The following NDUFA9 variants were observed in gnomAD, a reference collection of about 807,000 sequenced individuals.
NDUFA9 encodes NADH:ubiquinone oxidoreductase subunit A9, also known as NADH dehydrogenase [ubiquinone] 1 alpha subcomplex subunit 9, mitochondrial.
A neutral mutation model predicts 45.9 loss-of-function variants in NDUFA9; 23 were observed. That is an observed-to-expected ratio of 0.50 (90% confidence interval 0.36 to 0.71). NDUFA9 has a LOEUF of 0.71. Ranked by LOEUF, NDUFA9 falls within the 30% of genes least tolerant of loss-of-function variation. The pLI is 0.00. For missense variants in NDUFA9, 466 were observed against 488.2 expected, an observed-to-expected ratio of 0.95 and a Z score of 0.43; for synonymous variants, 176 against 170.5, an observed-to-expected ratio of 1.03 and a Z score of -0.25.
At chr12:4,652,098 A>T (rs1037218792) in intron 1 of NDUFA9, among the ~76,000 whole-genome samples, 1 of 152,110 alleles carries the variant, frequency 6.6e-6, no homozygotes. Flanking sequence ...GAGAACAGTC[A>T]TTTTCCCACC....
intron 8 of NDUFA9, among the ~76,000 whole-genome samples, chr12:4,671,451 A>G (rs1392645465): frequency 6.6e-6 from 1 of 152,106 alleles, no homozygotes; most frequent in Admixed American, 6.5e-5. Flanking sequence ...AATTTATTAT[A>G]TTATACCTAA....
At chr12:4,653,164 G>C (rs1172868522) in intron 1 of NDUFA9, among the ~76,000 whole-genome samples, 1 of 152,222 alleles carries the variant, frequency 6.6e-6, no homozygotes, top group East Asian at 1.9e-4. Context: ...TTGAAAACTG[G>C]AATGTATCCA....
At chr12:4,654,241 T>G (rs943920731) in intron 1 of NDUFA9, 51 bp from the exon 2 acceptor site, 10 of 1,528,412 alleles carry the variant, frequency 6.5e-6, no homozygotes, top group Non-Finnish European at 8.9e-6. Flanking sequence ...GTTGACAGTT[T>G]TAAAAATATT....
chr12:4,671,923 T>A (rs1295855557), intron 8 of NDUFA9, among the ~76,000 whole-genome samples: 1 of 152,150 alleles, frequency 6.6e-6, no homozygotes, highest in Non-Finnish European at 1.5e-5. Context: ...GACTTCAGTG[T>A]AAGAGTTATA....
intron 6 of NDUFA9, among the ~76,000 whole-genome samples, chr12:4,666,162 T>C (rs1443931686): frequency 6.6e-6 from 1 of 152,258 alleles, no homozygotes; most frequent in Non-Finnish European, 1.5e-5. Flanking sequence ...CATCTTTTCA[T>C]GTGCTTTTTG....
At chr12:4,672,910 T>A (rs1945895904) in intron 8 of NDUFA9, among the ~76,000 whole-genome samples, 1 of 152,190 alleles carries the variant, frequency 6.6e-6, no homozygotes, top group Admixed American at 6.5e-5. Context: ...CTCAAGTGGA[T>A]CCCTGCCCCC....
chr12:4,672,834 A>G (rs560556073), intron 8 of NDUFA9, among the ~76,000 whole-genome samples: 1 of 152,370 alleles, frequency 6.6e-6, no homozygotes, highest in African/African-American at 2.4e-5. Context: ...CCTGCCTGGC[A>G]GCTCTGAAGA....
intron 5 of NDUFA9, 79 bp downstream of exon 5, chr12:4,659,256 AGGGT>A: frequency 7.7e-7 from 1 of 1,302,016 alleles, no homozygotes; most frequent in Non-Finnish European, 1.1e-6. Context: ...TTCAGTGAGA[AGGGT>A]TTATCACAGA....
chr12:4,673,256 T>C (rs1304825909), intron 8 of NDUFA9, among the ~76,000 whole-genome samples: 3 of 152,056 alleles, frequency 2.0e-5, no homozygotes, highest in African/African-American at 7.2e-5. Flanking sequence ...TCCATGAAGA[T>C]GGGGAGAAAC....
rs767770042 is a variant in NDUFA9, at chr12:4,667,517, T to G, written c.656-940T>G. 1,778 of 232,220 alleles carry G rather than the reference T, an allele frequency of 7.7e-3. 26 individuals carry two copies. The highest frequency in any genetic ancestry group is 0.041 in the African/African-American group (1,696 of 41,656). 14.4% of individuals were successfully genotyped at this position (232,220 alleles called of 1,614,324 possible). A position where few individuals can be genotyped will look rare whatever the true frequency, so the allele number is the denominator to read the frequency against. ...TATTGTGAATAATTTCTACTCTTTT[T>G]TTTTTTTTTTTTGAGACAGAGTCGC... On this transcript the variant is annotated intron_variant, in intron 6 of 10. Transcript: ENST00000266544.
At chr12:4,656,372 A>G (rs905752056) in intron 3 of NDUFA9, among the ~76,000 whole-genome samples, 2 of 152,252 alleles carry the variant, frequency 1.3e-5, no homozygotes, top group African/African-American at 4.8e-5. Flanking sequence ...AAAAAGTGAT[A>G]GGTGAAAACT....
chr12:4,685,158 C>A, intron 9 of NDUFA9, 101 bp from the exon 10 acceptor site: 3 of 1,014,776 alleles, frequency 3.0e-6, no homozygotes, highest in Non-Finnish European at 4.7e-6. Context: ...TCAGTTCAGA[C>A]TGCTCTACAG....
intron 9 of NDUFA9, 50 bp downstream of exon 9, chr12:4,682,350 C>T: frequency 1.5e-6 from 2 of 1,368,298 alleles, no homozygotes; most frequent in Non-Finnish European, 2.1e-6. Flanking sequence ...CAGCTCCACA[C>T]ACTTGTTCCT....
intron 1 of NDUFA9, 136 bp downstream of exon 1, chr12:4,649,311 T>G (rs1945740132): frequency 1.0e-6 from 1 of 1,004,214 alleles, no homozygotes; most frequent in Non-Finnish European, 1.5e-6. Context: ...TGGAGCTGCC[T>G]CAGTCTGGTT....
intron 1 of NDUFA9, among the ~76,000 whole-genome samples, chr12:4,650,526 A>G (rs1435291902): frequency 6.6e-6 from 1 of 151,974 alleles, no homozygotes; most frequent in Non-Finnish European, 1.5e-5. Flanking sequence ...GTTCTTAACC[A>G]CTCTGCGTTA....
chr12:4,669,009 A>T (rs1945870173), intron 7 of NDUFA9, among the ~76,000 whole-genome samples: 1 of 152,210 alleles, frequency 6.6e-6, no homozygotes, highest in Non-Finnish European at 1.5e-5. Flanking sequence ...GGGGAAGAGT[A>T]TTGCATGCAG....
In NDUFA9 at chr12:4,657,530, A is replaced by C. The variant is rs4147676; in HGVS notation, c.319-218A>C. 830 of 492,470 alleles carry C rather than the reference A, an allele frequency of 1.7e-3. 25 individuals are homozygous for C. In the East Asian group the frequency reaches 0.029, roughly 17 times the overall value. 30.5% of individuals were successfully genotyped at this position (492,470 alleles called of 1,614,324 possible). A position where few individuals can be genotyped will look rare whatever the true frequency, so the allele number is the denominator to read the frequency against. On this transcript the variant is annotated intron_variant, in intron 3 of 10. Coordinates refer to ENST00000266544, the MANE Select transcript of NDUFA9 (RefSeq NM_005002.5). ...GCTCTGTCATTTGATTACCTGAGTA[A>C]AGTGTACTGTTACCTGTTTGTCTCG...
intron 1 of NDUFA9, among the ~76,000 whole-genome samples, chr12:4,650,011 G>T (rs1443704721): frequency 6.6e-6 from 1 of 152,088 alleles, no homozygotes; most frequent in Non-Finnish European, 1.5e-5. Context: ...AACCCCCAAA[G>T]TTGTATTTTT....
intron 1 of NDUFA9, among the ~76,000 whole-genome samples, chr12:4,649,958 T>C (rs1591540680): frequency 6.6e-6 from 1 of 152,250 alleles, no homozygotes; most frequent in Non-Finnish European, 1.5e-5. Flanking sequence ...CACTTCATCA[T>C]TGTCCTTTCA....
Sources: allele counts gnomAD v4.1 joint callset (sites outside exome capture counted in the v4.1 genomes callset), GRCh38; gene constraint gnomAD v4.1.1; transcripts MANE v1.5; gene names NCBI Gene and HGNC (gene_info 2026-07-23, HGNC 2026-07-21).